The following TEAD2 variants were observed in gnomAD, a reference collection of about 807,000 sequenced individuals.
TEAD2 encodes transcriptional enhancer factor TEF-4.
Under a neutral mutation model 61.4 loss-of-function variants are expected in TEAD2, and 51 were observed. That is an observed-to-expected ratio of 0.83 (90% CI 0.66 to 1.05). The LOEUF (loss-of-function observed/expected upper bound fraction) is 1.05, where lower values mean the gene tolerates loss of function less well. Ranked by LOEUF, TEAD2 falls within the 50% of genes least tolerant of loss-of-function variation. TEAD2 has a pLI of 0.00. For missense variants in TEAD2, 509 were observed against 600.0 expected (o/e 0.85, Z 1.58); for synonymous variants, 244 against 243.2 (o/e 1.00, Z -0.03).
chr19:49,341,927 TCA>T lies in TEAD2; in HGVS notation c.1243-492_1243-491del, dbSNP rs1336918620. Among the ~76,000 whole-genome samples the T allele has an allele frequency of 6.6e-6, 1 of 152,014 alleles. No homozygotes were observed. The highest frequency in any genetic ancestry group is 1.5e-5 in the Non-Finnish European group (1 of 67,980). ...GTGCTGTGGGGCTGGGCGTGGTGGCTCACACCTGTAATCCCAGCACTTTGGGA... is the reference window on the plus strand; with the variant it reads ...GTGCTGTGGGGCTGGGCGTGGTGGCTCACCTGTAATCCCAGCACTTTGGGA... On this transcript the variant is annotated intron_variant, in intron 12 of 12. Coordinates refer to ENST00000593945, the MANE Select transcript of TEAD2 (RefSeq NM_001256660.2). The surrounding 1 kb of genome is among the most constrained non-coding windows in gnomAD (Gnocchi z 4.2).
chr19:49,341,516 T>G lies in TEAD2; in HGVS notation c.1243-79A>C, dbSNP rs1274235963. The G allele has an allele frequency of 8.8e-7, 1 of 1,140,762 alleles. No individual in the cohort carries two copies. The highest frequency in any genetic ancestry group is 1.3e-6 in the Non-Finnish European group (1 of 767,152). 70.7% of individuals were successfully genotyped at this position (1,140,762 alleles called of 1,614,324 possible). On this transcript the variant is annotated intron_variant, in intron 12 of 12. Transcript: ENST00000593945. This position sits in a 1 kb window ranked among gnomAD's most constrained non-coding sequence, Gnocchi z 4.2. The stretch of plus-strand genomic sequence containing the variant: ...CCTGTGCCCCCCTGCCAAGCTATCA[T>G]GGAATACCCAGCAGGCTCTTTTCCA...
intron 3 of TEAD2, among the ~76,000 whole-genome samples, chr19:49,358,929 T>C (rs943198877): frequency 5.9e-5 from 9 of 151,946 alleles, no homozygotes; most frequent in African/African-American, 2.2e-4. Context: ...CCTAAAGCTC[T>C]TTATCAATTA....
intron 11 of TEAD2, 76 bp from the exon 12 acceptor site, chr19:49,342,666 C>G (rs1473546715): frequency 1.9e-6 from 3 of 1,561,824 alleles, no homozygotes; most frequent in South Asian, 1.2e-5. Context: ...GAGCTCCACC[C>G]TGTGCCTCTA....
In TEAD2 at chr19:49,355,162, G is replaced by A; in HGVS notation, c.525C>T (p.Pro175=). The change falls in exon 7 of 13, where the codon CCC becomes CCT. Residue 175 remains proline (P), a synonymous_variant. Coordinates refer to ENST00000593945, the MANE Select transcript of TEAD2 (RefSeq NM_001256660.2). ...ATAGTACTCACTCTGGAACATTCCA[G>A]GGGGGCCCAGATCCTCCAGACCAAA... ...FQFWSGGSGP[P]WNVPDVKPFS... is the part of the protein sequence containing the mutation. 1.2e-6 allele frequency: 2 copies of A among 1,610,118 alleles called. No homozygotes were observed. The highest frequency in any genetic ancestry group is 1.7e-6 in the Non-Finnish European group (2 of 1,178,006).
chr19:49,355,081 T>G, intron 7 of TEAD2, 67 bp downstream of exon 7: 24 of 1,249,742 alleles, frequency 1.9e-5, no homozygotes, highest in Non-Finnish European at 2.5e-5. Flanking sequence ...GAAGGTGGAG[T>G]GAGAAAGGTC....
rs1971710135 is a variant in TEAD2, at chr19:49,347,248, C to A, written c.863G>T (p.Gly288Val). The A allele has an allele frequency of 1.2e-6, 2 of 1,614,014 alleles. No homozygotes were observed. The highest frequency in any genetic ancestry group is 2.2e-5 in the South Asian group (2 of 91,092). The change falls in exon 10 of 13, where the codon GGC (glycine) becomes GTC (valine). Residue 288 changes from glycine (G) to valine (V), a missense_variant. Gly to Val is a moderately radical substitution (Grantham distance 109). Transcript: ENST00000593945. ...GCCACGATCATATAGCTCTCGGAGG[C>A]CACCCTTTTTCTCAGGGAATTTGTC... ...IYDKFPEKKG[G>V]LRELYDRGPP...
Position 49,355,436 on chromosome 19 carries a change from A to C in TEAD2, c.373-17T>G. ...AACCTGGTCCTGGAGGAGGAGGCGG[A>C]AGTTCATGTGAGAGGGGCATCTCAG... is the stretch of plus-strand genomic sequence containing the variant. On this transcript the variant is annotated splice_polypyrimidine_tract_variant and intron_variant, in intron 5 of 12. Coordinates refer to ENST00000593945, the MANE Select transcript of TEAD2 (RefSeq NM_001256660.2). 1 of 1,608,052 alleles carries C rather than the reference A, an allele frequency of 6.2e-7. No homozygotes were observed. The highest frequency in any genetic ancestry group is 8.5e-7 in the Non-Finnish European group (1 of 1,174,660).
In TEAD2 at chr19:49,341,496, G is replaced by A; in HGVS notation, c.1243-59C>T. 1 of 1,391,512 alleles carries A rather than the reference G, an allele frequency of 7.2e-7. No individual in the cohort carries two copies. The highest frequency in any genetic ancestry group is 1.0e-6 in the Non-Finnish European group (1 of 984,888). 86.2% of individuals were successfully genotyped at this position (1,391,512 alleles called of 1,614,324 possible). Reference sequence around the variant, plus strand: ...TAGAAGGGAGGGCAGGGACCCCTGTGCCCCCCTGCCAAGCTATCATGGAAT... The same window carrying A: ...TAGAAGGGAGGGCAGGGACCCCTGTACCCCCCTGCCAAGCTATCATGGAAT... On this transcript the variant is annotated intron_variant, in intron 12 of 12. Coordinates refer to ENST00000593945, the MANE Select transcript of TEAD2 (RefSeq NM_001256660.2). This position sits in a 1 kb window ranked among gnomAD's most constrained non-coding sequence, Gnocchi z 4.2.
In TEAD2 at chr19:49,355,341, G is replaced by T; in HGVS notation, c.451C>A (p.Gln151Lys). ...GGACCAGTGGGACCCAGTTTGGCCTGCAGAGAAGGCGCGGAGATGAGCTGG... is the reference window on the plus strand; with the variant it reads ...GGACCAGTGGGACCCAGTTTGGCCTTCAGAGAAGGCGCGGAGATGAGCTGG... ...SAQLISAPSL[Q>K]AKLGPTGPQA... Residue 151 changes from glutamine (Q) to lysine (K), a missense_variant, in exon 6 of 13, where the codon CAG becomes AAG. Transcript: ENST00000593945. 6.2e-7 allele frequency: 1 copy of T among 1,614,202 alleles called. No homozygotes were observed. The highest frequency in any genetic ancestry group is 1.1e-5 in the South Asian group (1 of 91,084).
chr19:49,341,203 C>A lies in TEAD2; in HGVS notation c.*121G>T. 2.3e-6 allele frequency: 2 copies of A among 868,740 alleles called. No homozygotes were observed. The highest frequency in any genetic ancestry group is 1.8e-6 in the Non-Finnish European group (1 of 548,192). 53.8% of individuals were successfully genotyped at this position (868,740 alleles called of 1,614,324 possible). On this transcript the variant is annotated 3_prime_UTR_variant, in exon 13 of 13. Transcript: ENST00000593945. The surrounding 1 kb of genome is among the most constrained non-coding windows in gnomAD (Gnocchi z 4.2). ...GGGGGGATGGCCCCAGTTGCTTAGG[C>A]CTCTGAGGTCAACCCCTTTACATCA... is the stretch of plus-strand genomic sequence containing the variant.
chr19:49,347,577 C>A (rs1203726912), intron 9 of TEAD2, among the ~76,000 whole-genome samples: 5 of 152,152 alleles, frequency 3.3e-5, no homozygotes, highest in Admixed American at 3.3e-4. Context: ...TCCCCAACTC[C>A]CTGCCACAAC....
intron 12 of TEAD2, 151 bp downstream of exon 12, chr19:49,342,287 T>G: frequency 9.6e-7 from 1 of 1,046,388 alleles, no homozygotes; most frequent in Non-Finnish European, 1.4e-6. Context: ...TGCATCAGTT[T>G]CCTAGTTAAA....
intron 10 of TEAD2, among the ~76,000 whole-genome samples, chr19:49,346,494 T>G (rs936912802): frequency 1.4e-4 from 21 of 152,128 alleles, no homozygotes; most frequent in East Asian, 1.9e-4. Flanking sequence ...CCGTCTGTAC[T>G]AAATATACAA....
At chr19:49,345,925 G>A (rs1971598586) in intron 10 of TEAD2, among the ~76,000 whole-genome samples, 1 of 151,974 alleles carries the variant, frequency 6.6e-6, no homozygotes, top group Non-Finnish European at 1.5e-5. Flanking sequence ...AGCACTTGGA[G>A]AGGCCAAGGT....
rs558363123 is a variant in TEAD2 at position 49,340,881 on chromosome 19, G to A, written c.*443C>T. 2.9e-4 allele frequency: 57 copies of A among 196,180 alleles called. No homozygotes were observed. In the South Asian group the frequency reaches 5.2e-3, roughly 18 times the overall value. 12.2% of individuals were successfully genotyped at this position (196,180 alleles called of 1,614,324 possible). ...CACAGGTCATGGAGTGAGGGTGGTA[G>A]AGAGGGGCAGAAATTTCAGGGGGAG... On this transcript the variant is annotated 3_prime_UTR_variant, in exon 13 of 13. Transcript: ENST00000593945.
chr19:49,344,216 C>G (rs1971489617), intron 10 of TEAD2, among the ~76,000 whole-genome samples: 1 of 151,958 alleles, frequency 6.6e-6, no homozygotes, highest in Non-Finnish European at 1.5e-5. Flanking sequence ...AGTCTGGGTC[C>G]CCAAAACAGT....
chr19:49,348,699 T>C lies in TEAD2; in HGVS notation c.747+4A>G. The stretch of plus-strand genomic sequence containing the variant: ...CTCAGCGACTGTACCAAAATTTCAC[T>C]CACAGAATCAACTGCATCTGGCGGT... On this transcript the variant is annotated splice_donor_region_variant and intron_variant, in intron 9 of 12. Transcript: ENST00000593945. 1 of 1,613,764 alleles carries C rather than the reference T, an allele frequency of 6.2e-7. No individual in the cohort carries two copies.
At position 49,341,429 on chromosome 19, in the gene TEAD2, T is replaced by C. The variant is rs1439960100; in HGVS notation, c.1251A>G (p.Thr417=). ...GCAGCAGTTCCTGGGTGTCTCTGTTTGTCACCACCTGCCAGGAAGGCCAGG... is the reference window on the plus strand; with the variant it reads ...GCAGCAGTTCCTGGGTGTCTCTGTTCGTCACCACCTGCCAGGAAGGCCAGG... The part of the protein sequence containing the change: ...LENFTILQVV[T]NRDTQELLLC... Residue 417 remains threonine, a synonymous_variant, in exon 13 of 13, where the codon ACA becomes ACG. Transcript: ENST00000593945. This position sits in a 1 kb window ranked among gnomAD's most constrained non-coding sequence, Gnocchi z 4.2. 1.2e-6 allele frequency: 2 copies of C among 1,613,794 alleles called. No homozygotes were observed. Among genetic ancestry groups the C allele is most frequent in the Non-Finnish European group, 1.7e-6 (2 of 1,179,782 alleles).
Position 49,355,206 on chromosome 19 carries a change from C to G in TEAD2, c.481G>C (p.Ala161Pro), listed in dbSNP as rs1444177034. 1.2e-6 allele frequency: 2 copies of G among 1,613,162 alleles called. No homozygotes were observed. Among genetic ancestry groups the G allele is most frequent in the East Asian group, 4.5e-5 (2 of 44,846 alleles). Reference protein sequence around the residue: ...QAKLGPTGPQASELFQFWSGG... With the variant: ...QAKLGPTGPQPSELFQFWSGG... ...GACCAAAACTGGAAAAGCTCAGAGG[C>G]CTGGATAGGACACAAAGAAAAATGG... The change falls in exon 7 of 13, where the codon GCC becomes CCC. Residue 161 changes from alanine to proline, a missense_variant and splice_region_variant. Coordinates refer to ENST00000593945, the MANE Select transcript of TEAD2 (RefSeq NM_001256660.2).
Sources: gnomAD v4.1 joint callset for allele counts (sites outside exome capture counted in the v4.1 genomes callset) on GRCh38, gnomAD v4.1.1 for gene constraint, Gnocchi (gnomAD v3.1) non-coding constraint, MANE v1.5 for transcripts, NCBI Gene and HGNC (gene_info 2026-07-23, HGNC 2026-07-21) for gene names.